Variants in DCTN4 observed in about 807,000 individuals in gnomAD.
DCTN4 encodes the protein dynactin 4 (p62).
In DCTN4, 23 loss-of-function variants were observed where a neutral mutation model predicts 62.7. The ratio of observed to expected loss-of-function variants is 0.37; its 90% CI spans 0.26 to 0.52. The LOEUF (loss-of-function observed/expected upper bound fraction) is 0.52, where lower values mean the gene tolerates loss of function less well. Ranked by LOEUF, DCTN4 falls within the 20% of genes least tolerant of loss-of-function variation. DCTN4 has a pLI of 0.92. For missense variants in DCTN4, 514 were observed against 580.4 expected, an observed-to-expected ratio of 0.89 and a Z score of 1.18; for synonymous variants, 199 against 202.1, an observed-to-expected ratio of 0.98 and a Z score of 0.13.
At chr5:150,712,677 T>C (rs965125916) in intron 12 of DCTN4, among the ~76,000 whole-genome samples, 1 of 152,228 alleles carries the variant, frequency 6.6e-6, no homozygotes. Flanking sequence ...AAATAACTTA[T>C]GTAATTAGGA....
intron 8 of DCTN4, among the ~76,000 whole-genome samples, chr5:150,725,157 CA>C (rs966438340): frequency 0.083 from 4,438 of 53,428 alleles, 82 homozygotes; most frequent in African/African-American, 0.22. Context: ...GACTCCGTCT[CA>C]AAAAAAAAAA....
chr5:150,749,195 T>C (rs1468884051), intron 3 of DCTN4, among the ~76,000 whole-genome samples: 1 of 152,110 alleles, frequency 6.6e-6, no homozygotes, highest in Non-Finnish European at 1.5e-5. Flanking sequence ...AGTAAATATT[T>C]GCAAAACATA....
At chr5:150,756,277 G>C (rs1221876862) in intron 2 of DCTN4, 140 bp downstream of exon 2, 1 of 495,926 alleles carries the variant, frequency 2.0e-6, no homozygotes, top group East Asian at 3.5e-5. Context: ...TCTTGACCTC[G>C]TGATCCCTGC....
At chr5:150,720,710 C>T (rs1759927360) in intron 9 of DCTN4, among the ~76,000 whole-genome samples, 1 of 152,116 alleles carries the variant, frequency 6.6e-6, no homozygotes, top group African/African-American at 2.4e-5. Context: ...ACTCCTAAGG[C>T]TCAAGCGATC....
At chr5:150,730,089 G>A (rs1002475890) in intron 8 of DCTN4, among the ~76,000 whole-genome samples, 1 of 152,200 alleles carries the variant, frequency 6.6e-6, no homozygotes, top group Non-Finnish European at 1.5e-5. Context: ...GTGCTCAAGA[G>A]CCACATGTGC....
chr5:150,731,107 C>G lies in DCTN4; in HGVS notation c.661G>C (p.Ala221Pro). The change falls in exon 7 of 13, where the codon GCT becomes CCT. Residue 221 changes from alanine (A) to proline (P), a missense_variant. Coordinates refer to ENST00000447998, the MANE Select transcript of DCTN4 (RefSeq NM_016221.4). The part of the protein sequence containing the change: ...QKEIKIEPAQ[A>P]VDEVEPLPED... ...GGTAGAGGTTCCACTTCATCCACAG[C>G]CTGAGCTGGCTCAATCTTTATCTCT... is the stretch of plus-strand genomic sequence containing the variant. The G allele has an allele frequency of 6.2e-7, 1 of 1,613,452 alleles. No homozygotes were observed.
chr5:150,729,649 G>C (rs1251625447), intron 8 of DCTN4, among the ~76,000 whole-genome samples: 1 of 145,444 alleles, frequency 6.9e-6, no homozygotes, highest in Non-Finnish European at 1.5e-5. Context: ...TTTCTGTGTT[G>C]CCTAGGCTGG....
intron 9 of DCTN4, among the ~76,000 whole-genome samples, chr5:150,720,678 G>A (rs1759926204): frequency 6.6e-6 from 1 of 152,190 alleles, no homozygotes; most frequent in East Asian, 1.9e-4. Flanking sequence ...AGGACTCACT[G>A]TGTTGCCCAG....
intron 8 of DCTN4, among the ~76,000 whole-genome samples, chr5:150,724,427 T>C (rs1760066009): frequency 6.6e-6 from 1 of 152,212 alleles, no homozygotes; most frequent in Non-Finnish European, 1.5e-5. Flanking sequence ...TGGGTTTTCT[T>C]TGGCATGAGG....
chr5:150,717,557 C>T (rs139310644), intron 11 of DCTN4, among the ~76,000 whole-genome samples: 1 of 152,216 alleles, frequency 6.6e-6, no homozygotes, highest in East Asian at 1.9e-4. Flanking sequence ...CTAGTTAGTG[C>T]TATGTTATGT....
intron 10 of DCTN4, among the ~76,000 whole-genome samples, chr5:150,719,123 T>A (rs1759873587): frequency 6.6e-6 from 1 of 152,186 alleles, no homozygotes; most frequent in Admixed American, 6.5e-5. Flanking sequence ...CCCGACCTTA[T>A]AAAAACTTTT....
Position 150,711,282 on chromosome 5 carries a change from A to AC in DCTN4, c.1249dup (p.Val417GlyfsTer8). 1 of 1,613,474 alleles carries AC rather than the reference A, an allele frequency of 6.2e-7. No individual in the cohort carries two copies. Among genetic ancestry groups the AC allele is most frequent in the Non-Finnish European group, 8.5e-7 (1 of 1,179,970 alleles). On this transcript the variant is annotated frameshift_variant, in exon 13 of 13. Coordinates refer to ENST00000447998, the MANE Select transcript of DCTN4 (RefSeq NM_016221.4). LOFTEE classifies it high-confidence loss of function. Reference sequence around the variant, plus strand: ...AAAATCATGCTTCATCTTGAAGCACACGGTCACTTCACCCTCCTCACGCTG... The same window carrying AC: ...AAAATCATGCTTCATCTTGAAGCACACCGGTCACTTCACCCTCCTCACGCTG...
chr5:150,744,099 G>C lies in DCTN4; in HGVS notation c.386-1942C>G, dbSNP rs546707453. 3.3e-3 allele frequency among the ~76,000 whole-genome samples: 497 copies of C among 152,314 alleles called. 10 individuals carry two copies. The highest frequency in any genetic ancestry group is 0.028 in the Admixed American group (436 of 15,308). On this transcript the variant is annotated intron_variant, in intron 3 of 12. Coordinates refer to ENST00000447998, the MANE Select transcript of DCTN4 (RefSeq NM_016221.4). Reference sequence around the variant, plus strand: ...CCAATACAGAGAAGTGCTTAAAGGAGCTGATGGAGCTGAAAGCCAAGGCTC... The same window carrying C: ...CCAATACAGAGAAGTGCTTAAAGGACCTGATGGAGCTGAAAGCCAAGGCTC...
At chr5:150,731,925 G>C (rs559290087) in intron 5 of DCTN4, 17 of 1,551,362 alleles carry the variant, frequency 1.1e-5, no homozygotes, top group Non-Finnish European at 1.5e-5. Context: ...CCCCAAAATA[G>C]CAGCAGGTTG....
At chr5:150,745,532 T>C (rs957859961) in intron 3 of DCTN4, among the ~76,000 whole-genome samples, 1 of 152,052 alleles carries the variant, frequency 6.6e-6, no homozygotes, top group Admixed American at 6.5e-5. Flanking sequence ...ACTGACCACA[T>C]AGTTGGAAGT....
intron 11 of DCTN4, among the ~76,000 whole-genome samples, chr5:150,717,530 G>C (rs1310174173): frequency 6.6e-6 from 1 of 152,178 alleles, no homozygotes; most frequent in Admixed American, 6.5e-5. Context: ...TTACAGGCGT[G>C]AGCCACCAAG....
intron 1 of DCTN4, 82 bp downstream of exon 1, chr5:150,758,777 C>T (rs1376753888): frequency 6.4e-7 from 1 of 1,560,128 alleles, no homozygotes; most frequent in Non-Finnish European, 8.7e-7. Context: ...AGGAAAATAG[C>T]TCCAGCCTTC....
At chr5:150,746,546 A>T (rs1288237367) in intron 3 of DCTN4, among the ~76,000 whole-genome samples, 1 of 152,206 alleles carries the variant, frequency 6.6e-6, no homozygotes, top group Non-Finnish European at 1.5e-5. Context: ...TCAATAAAAT[A>T]CTGGCAAACC....
At chr5:150,752,967 C>T (rs1302253413) in intron 3 of DCTN4, among the ~76,000 whole-genome samples, 4 of 151,822 alleles carry the variant, frequency 2.6e-5, no homozygotes, top group East Asian at 1.9e-4. Context: ...CCCAGGTTCA[C>T]GCCATTCTCC....
Sources: gnomAD v4.1 joint callset for allele counts (sites outside exome capture counted in the v4.1 genomes callset) on GRCh38, gnomAD v4.1.1 for gene constraint, MANE v1.5 for transcripts, NCBI Gene and HGNC (gene_info 2026-07-23, HGNC 2026-07-21) for gene names.